The following NCOA3 variants were observed in gnomAD, a reference collection of about 807,000 sequenced individuals.
NCOA3 encodes the protein nuclear receptor coactivator 3.
Under a neutral mutation model 158.8 loss-of-function variants are expected in NCOA3, and 51 were observed. The ratio of observed to expected loss-of-function variants is 0.32; its 90% CI spans 0.26 to 0.41. NCOA3 has a LOEUF of 0.41. Ranked by LOEUF, NCOA3 falls within the 10% of genes least tolerant of loss-of-function variation. The pLI, the probability that NCOA3 is intolerant of heterozygous loss-of-function variation, is 1.00. For missense variants in NCOA3, 1,510 were observed against 1,746.6 expected, an observed-to-expected ratio of 0.86 and a Z score of 2.41; for synonymous variants, 537 against 592.4, an observed-to-expected ratio of 0.91 and a Z score of 1.36.
chr20:47,528,287 C>T (rs1442676711), intron 1 of NCOA3, among the ~76,000 whole-genome samples: 1 of 152,148 alleles, frequency 6.6e-6, no homozygotes, highest in Non-Finnish European at 1.5e-5. Flanking sequence ...AGTAAATTGT[C>T]TACTGTACTT....
intron 2 of NCOA3, among the ~76,000 whole-genome samples, chr20:47,612,352 T>TA (rs2086059242): frequency 6.6e-6 from 1 of 152,136 alleles, no homozygotes; most frequent in East Asian, 1.9e-4. Context: ...AGAAATAGTG[T>TA]AATATGTAAA....
chr20:47,502,517 C>T (rs1442626608), intron 1 of NCOA3, among the ~76,000 whole-genome samples: 1 of 152,070 alleles, frequency 6.6e-6, no homozygotes, highest in Non-Finnish European at 1.5e-5. Context: ...TGCTGTGTTT[C>T]CTCCTCACTT....
At chr20:47,598,434 C>T (rs1265394190) in intron 2 of NCOA3, among the ~76,000 whole-genome samples, 1 of 151,978 alleles carries the variant, frequency 6.6e-6, no homozygotes, top group Non-Finnish European at 1.5e-5. Flanking sequence ...CTCCTGGGTT[C>T]ACGCGGTTCT....
chr20:47,584,818 G>A (rs557134123), intron 2 of NCOA3, among the ~76,000 whole-genome samples: 1 of 152,136 alleles, frequency 6.6e-6, no homozygotes, highest in South Asian at 2.1e-4. Context: ...CAGTTCAAAT[G>A]TGTTGTACAA....
chr20:47,630,130 G>A (rs1410391717), intron 8 of NCOA3: 2 of 152,166 alleles, frequency 1.3e-5, no homozygotes, highest in Non-Finnish European at 2.9e-5. Flanking sequence ...CTCAGGAGAG[G>A]TGGTTGAGGA....
chr20:47,600,647 T>C (rs925578274), intron 2 of NCOA3, among the ~76,000 whole-genome samples: 17 of 151,680 alleles, frequency 1.1e-4, no homozygotes, highest in African/African-American at 4.1e-4. Flanking sequence ...CCCAAGTAGC[T>C]GGGACTACAG....
intron 1 of NCOA3, among the ~76,000 whole-genome samples, chr20:47,507,183 C>T (rs1030515014): frequency 6.6e-6 from 1 of 152,138 alleles, no homozygotes; most frequent in Non-Finnish European, 1.5e-5. Flanking sequence ...ATAACGAACT[C>T]CAGGGGACTG....
chr20:47,516,569 T>C (rs2084236971), intron 1 of NCOA3, among the ~76,000 whole-genome samples: 1 of 152,096 alleles, frequency 6.6e-6, no homozygotes. Context: ...TGAAAATCTT[T>C]GGGAGCTCCA....
intron 1 of NCOA3, among the ~76,000 whole-genome samples, chr20:47,521,097 C>G (rs1332992591): frequency 1.3e-5 from 2 of 152,230 alleles, no homozygotes; most frequent in South Asian, 2.1e-4. Flanking sequence ...GTCGTCGCCG[C>G]AGTATGTGAA....
At chr20:47,560,369 G>T (rs184309085) in intron 1 of NCOA3, among the ~76,000 whole-genome samples, 1 of 152,184 alleles carries the variant, frequency 6.6e-6, no homozygotes, top group Non-Finnish European at 1.5e-5. Flanking sequence ...GAGCCATCGT[G>T]CCCGGCCATG....
At chr20:47,633,942 T>C (rs1296180240) in intron 9 of NCOA3, 106 bp from the exon 10 acceptor site, 7 of 1,398,256 alleles carry the variant, frequency 5.0e-6, no homozygotes, top group African/African-American at 1.4e-5. Flanking sequence ...CAGTCTTTCC[T>C]TGGATTTTTA....
intron 1 of NCOA3, among the ~76,000 whole-genome samples, chr20:47,548,213 C>T (rs2084864445): frequency 6.7e-6 from 1 of 149,630 alleles, no homozygotes; most frequent in Admixed American, 6.7e-5. Context: ...TTCTTACTCT[C>T]TAAGCCTAAT....
rs369241756 is a variant in NCOA3 at position 47,592,648 on chromosome 20, AT to A, written c.-20+9391del. ...CTTGATTGTTTACAAACTACAGACC[AT>A]TTTCTTTCCATAATGCCATGATCTT... On this transcript the variant is annotated intron_variant, in intron 2 of 22. Coordinates refer to ENST00000371998, the MANE Select transcript of NCOA3 (RefSeq NM_181659.3). 1.5e-3 allele frequency among the ~76,000 whole-genome samples: 223 copies of A among 152,202 alleles called. 2 individuals are homozygous for A. The highest frequency in any genetic ancestry group is 5.1e-3 in the African/African-American group (210 of 41,526).
rs2084045701 is a variant in NCOA3, at chr20:47,507,372, A to G, written c.-99+5353A>G. ...TTTAAAAAGAAAAGAAAGCATGTTGAGCTGGGCAGTGGCAGAGCATGTATA... is the reference window on the plus strand; with the variant it reads ...TTTAAAAAGAAAAGAAAGCATGTTGGGCTGGGCAGTGGCAGAGCATGTATA... On this transcript the variant is annotated intron_variant, in intron 1 of 22. Transcript: ENST00000371998. Among the ~76,000 whole-genome samples, 3 of 152,192 alleles carry G rather than the reference A, an allele frequency of 2.0e-5. No individual in the cohort carries two copies. In the South Asian group the frequency reaches 6.2e-4, roughly 31 times the overall value.
chr20:47,610,454 A>G (rs2086025193), intron 2 of NCOA3, among the ~76,000 whole-genome samples: 1 of 152,188 alleles, frequency 6.6e-6, no homozygotes, highest in African/African-American at 2.4e-5. Flanking sequence ...TGCTGGGCTC[A>G]AGCAATCCTC....
In NCOA3 at chr20:47,513,985, A is replaced by C. The variant is rs1183512518; in HGVS notation, c.-99+11966A>C. ...CTTTAAACTATATGCATGTATATGT[A>C]CCTAGACTAGGGTAACAATGGTTCC... On this transcript the variant is annotated intron_variant, in intron 1 of 22. Coordinates refer to ENST00000371998, the MANE Select transcript of NCOA3 (RefSeq NM_181659.3). Among the ~76,000 whole-genome samples, 3 of 152,152 alleles carry C rather than the reference A, an allele frequency of 2.0e-5. No homozygotes were observed. The East Asian group carries it at 5.8e-4, about 29-fold the overall frequency.
intron 2 of NCOA3, among the ~76,000 whole-genome samples, chr20:47,585,599 A>G (rs1568703470): frequency 1.3e-5 from 2 of 152,070 alleles, no homozygotes; most frequent in Non-Finnish European, 1.5e-5. Flanking sequence ...TCCTAATTTT[A>G]GCTTCCGAGG....
At chr20:47,596,477 ATC>A (rs1167154571) in intron 2 of NCOA3, among the ~76,000 whole-genome samples, 1 of 152,166 alleles carries the variant, frequency 6.6e-6, no homozygotes, top group Non-Finnish European at 1.5e-5. Context: ...CATTTTTTGT[ATC>A]TCGTTTAAAA....
intron 2 of NCOA3, among the ~76,000 whole-genome samples, chr20:47,616,997 C>A (rs571222073): frequency 6.6e-6 from 1 of 152,118 alleles, no homozygotes; most frequent in Non-Finnish European, 1.5e-5. Context: ...CTCTGTCATC[C>A]AGGCTGGAGT....
Sources: allele counts gnomAD v4.1 joint callset (sites outside exome capture counted in the v4.1 genomes callset), GRCh38; gene constraint gnomAD v4.1.1; transcripts MANE v1.5; gene names NCBI Gene and HGNC (gene_info 2026-07-23, HGNC 2026-07-21).